SNX30: variants seen among roughly 807,000 people sequenced by gnomAD.
SNX30 encodes sorting nexin family member 30, also known as sorting nexin-30.
Under a neutral mutation model 46.4 loss-of-function variants are expected in SNX30, and 24 were observed. That is an observed-to-expected ratio of 0.52 (90% CI 0.37 to 0.73). The LOEUF is 0.73. Ranked by LOEUF, SNX30 falls within the 30% of genes least tolerant of loss-of-function variation. SNX30 has a pLI of 0.00. For synonymous variants in SNX30, 189 were observed against 211.5 expected, an observed-to-expected ratio of 0.89 and a Z score of 0.92; for missense variants, 533 against 555.7, an observed-to-expected ratio of 0.96 and a Z score of 0.41.
In SNX30 at chr9:112,869,872, T is replaced by A. The variant is rs1588145411; in HGVS notation, c.*1029T>A. On this transcript the variant is annotated 3_prime_UTR_variant, in exon 9 of 9. Transcript: ENST00000374232. Reference sequence around the variant, plus strand: ...CTGGGCGAGCTTTTGGTGAGAGGGCTGGTATGTCATGTTGTTATGATACAG... The same window carrying A: ...CTGGGCGAGCTTTTGGTGAGAGGGCAGGTATGTCATGTTGTTATGATACAG... The A allele has an allele frequency of 6.6e-6, 1 of 152,218 alleles. No homozygotes were observed. The highest frequency in any genetic ancestry group is 1.5e-5 in the Non-Finnish European group (1 of 68,044). 9.4% of individuals were successfully genotyped at this position (152,218 alleles called of 1,614,324 possible). A position where few individuals can be genotyped will look rare whatever the true frequency, so the allele number is the denominator to read the frequency against.
chr9:112,810,868 TC>T (rs1016827959), intron 2 of SNX30, among the ~76,000 whole-genome samples: 1 of 152,094 alleles, frequency 6.6e-6, no homozygotes, highest in African/African-American at 2.4e-5. Context: ...AGAAGGGTTT[TC>T]ACAGGGCGGT....
At chr9:112,776,908 T>G (rs188345670) in intron 1 of SNX30, among the ~76,000 whole-genome samples, 53 of 152,312 alleles carry the variant, frequency 3.5e-4, no homozygotes, top group Non-Finnish European at 8.8e-5. Context: ...ATACCCTTCC[T>G]CTTTTCCTTC....
At chr9:112,764,774 T>C (rs1249734747) in intron 1 of SNX30, among the ~76,000 whole-genome samples, 2 of 152,158 alleles carry the variant, frequency 1.3e-5, no homozygotes, top group Non-Finnish European at 2.9e-5. Context: ...AATAGATATC[T>C]AGCTTGCATT....
chr9:112,841,350 A>T (rs1840854900), intron 6 of SNX30, among the ~76,000 whole-genome samples: 1 of 152,222 alleles, frequency 6.6e-6, no homozygotes, highest in South Asian at 2.1e-4. Context: ...TAGCTTGTGT[A>T]ATTTAAGTTA....
chr9:112,851,595 C>T (rs1333873207), intron 7 of SNX30, among the ~76,000 whole-genome samples: 1 of 152,194 alleles, frequency 6.6e-6, no homozygotes, highest in East Asian at 1.9e-4. Flanking sequence ...GGTAGGTTCA[C>T]CTCACCTGCT....
intron 2 of SNX30, among the ~76,000 whole-genome samples, chr9:112,805,937 C>T (rs896200750): frequency 6.6e-6 from 1 of 152,204 alleles, no homozygotes; most frequent in African/African-American, 2.4e-5. Flanking sequence ...AAAAACCATA[C>T]TCTTTACATA....
intron 1 of SNX30, among the ~76,000 whole-genome samples, chr9:112,785,468 C>G: frequency 6.6e-6 from 1 of 150,978 alleles, no homozygotes; most frequent in East Asian, 1.9e-4. Flanking sequence ...ACTGCAACCT[C>G]TGCCTCCCTG....
At chr9:112,882,734 G>A (rs547693468), downstream of SNX30, among the ~76,000 whole-genome samples, 10 of 152,184 alleles carry the variant, frequency 6.6e-5, no homozygotes, top group South Asian at 1.0e-3. Flanking sequence ...GGGTGGTGCC[G>A]CCGTTTAATG....
chr9:112,840,603 A>T (rs1840838985), intron 6 of SNX30, among the ~76,000 whole-genome samples: 1 of 151,828 alleles, frequency 6.6e-6, no homozygotes, highest in Non-Finnish European at 1.5e-5. Context: ...CTCGTGCCTC[A>T]GCCTCCCGAG....
chr9:112,787,172 G>A (rs182458366), intron 1 of SNX30, among the ~76,000 whole-genome samples: 57 of 152,260 alleles, frequency 3.7e-4, no homozygotes, highest in Non-Finnish European at 6.9e-4. Flanking sequence ...CTCAGGCCTC[G>A]AAAAGTTCCA....
At chr9:112,756,230 A>G (rs1445414110) in intron 1 of SNX30, among the ~76,000 whole-genome samples, 2 of 152,128 alleles carry the variant, frequency 1.3e-5, no homozygotes, top group Non-Finnish European at 2.9e-5. Context: ...AGCAGGAAAC[A>G]AATATCCACT....
chr9:112,849,642 A>G (rs957301949), intron 6 of SNX30, among the ~76,000 whole-genome samples: 6 of 152,258 alleles, frequency 3.9e-5, no homozygotes, highest in African/African-American at 1.2e-4. Context: ...CAAACTTTTC[A>G]GAGGAAGACT....
At chr9:112,773,987 T>A (rs2645993) in intron 1 of SNX30, among the ~76,000 whole-genome samples, 132,869 of 152,282 alleles carry the variant, frequency 0.87, 58,166 homozygotes, top group Middle Eastern at 0.91. Flanking sequence ...TGTGACCTGT[T>A]TGTCTTCAGA....
chr9:112,836,929 C>A (rs1254711760), intron 5 of SNX30, among the ~76,000 whole-genome samples: 3 of 152,190 alleles, frequency 2.0e-5, no homozygotes, highest in Non-Finnish European at 4.4e-5. Flanking sequence ...TGTATTGATC[C>A]TTCCTCGTTT....
intron 7 of SNX30, among the ~76,000 whole-genome samples, chr9:112,859,943 T>A (rs749461609): frequency 2.0e-5 from 3 of 151,278 alleles, no homozygotes; most frequent in Non-Finnish European, 4.4e-5. Flanking sequence ...TGACTGTTTA[T>A]CTTCTTTATT....
intron 1 of SNX30, among the ~76,000 whole-genome samples, chr9:112,763,918 T>G (rs1839486947): frequency 6.6e-6 from 1 of 152,118 alleles, no homozygotes; most frequent in African/African-American, 2.4e-5. Flanking sequence ...ATGGATAGAT[T>G]GTGTAGTGAA....
chr9:112,864,441 G>A (rs747386380), intron 8 of SNX30, 42 bp downstream of exon 8: 6 of 1,610,730 alleles, frequency 3.7e-6, no homozygotes, highest in Non-Finnish European at 5.1e-6. Context: ...AATGGCCAGA[G>A]CCTTTCACAT....
chr9:112,764,183 C>T (rs1400280927), intron 1 of SNX30, among the ~76,000 whole-genome samples: 1 of 152,086 alleles, frequency 6.6e-6, no homozygotes, highest in Admixed American at 6.6e-5. Flanking sequence ...TACAAATGGA[C>T]AGAAGGAAGA....
At chr9:112,787,004 C>T (rs1390260821) in intron 1 of SNX30, among the ~76,000 whole-genome samples, 1 of 152,170 alleles carries the variant, frequency 6.6e-6, no homozygotes, top group Admixed American at 6.5e-5. Flanking sequence ...AAATCACCCA[C>T]ATTCGGTCTG....
Sources: allele counts gnomAD v4.1 joint callset (sites outside exome capture counted in the v4.1 genomes callset), GRCh38; gene constraint gnomAD v4.1.1; transcripts MANE v1.5; gene names NCBI Gene and HGNC (gene_info 2026-07-23, HGNC 2026-07-21).